LMNTD1: variants seen among roughly 807,000 people sequenced by gnomAD.
The protein encoded by LMNTD1 is lamin tail domain-containing protein 1.
LMNTD1 carries 35 observed loss-of-function variants against 50.9 expected under a neutral mutation model. The ratio of observed to expected loss-of-function variants is 0.69; its 90% CI spans 0.53 to 0.91. The LOEUF is 0.91. LMNTD1 is among the 40% of genes least tolerant of loss of function. LMNTD1 has a pLI of 0.00. For synonymous variants in LMNTD1, 153 were observed against 161.9 expected (o/e 0.94, Z 0.42); for missense variants, 470 against 475.5 (o/e 0.99, Z 0.11).
intron 9 of LMNTD1, among the ~76,000 whole-genome samples, chr12:25,497,327 A>G (rs1169650933): frequency 1.3e-5 from 2 of 152,002 alleles, no homozygotes; most frequent in African/African-American, 2.4e-5. Flanking sequence ...GGCGGGAAGC[A>G]CTGTAGCAGG....
upstream of LMNTD1, among the ~76,000 whole-genome samples, chr12:25,553,743 T>C (rs1381455909): frequency 2.0e-5 from 3 of 152,170 alleles, no homozygotes; most frequent in South Asian, 2.1e-4. Flanking sequence ...ATTCAGTTTC[T>C]CCTCTGTGTA....
chr12:25,616,895 A>G (rs188405188), intron 1 of LMNTD1, among the ~76,000 whole-genome samples: 4 of 152,304 alleles, frequency 2.6e-5, no homozygotes, highest in African/African-American at 9.6e-5. Context: ...GAGTGACAGG[A>G]ATGTTCTATA....
At chr12:25,549,215 T>G in intron 3 of LMNTD1, 111 bp downstream of exon 3, 1 of 597,958 alleles carries the variant, frequency 1.7e-6, no homozygotes. Context: ...GAAGTTAGCA[T>G]TTTGGGGGAG....
At chr12:25,503,603 T>A in intron 9 of LMNTD1, 135 bp downstream of exon 9, 2 of 573,252 alleles carry the variant, frequency 3.5e-6, no homozygotes, top group Non-Finnish European at 6.2e-6. Context: ...AACATAAATA[T>A]TTAACAGAAA....
chr12:25,625,104 C>A (rs1473022062), intron 1 of LMNTD1, among the ~76,000 whole-genome samples: 1 of 152,188 alleles, frequency 6.6e-6, no homozygotes, highest in Non-Finnish European at 1.5e-5. Flanking sequence ...ATGGGCATAG[C>A]TCTGGAGCGA....
At chr12:25,544,851 A>G (rs1330549585) in intron 4 of LMNTD1, among the ~76,000 whole-genome samples, 2 of 151,806 alleles carry the variant, frequency 1.3e-5, no homozygotes, top group Middle Eastern at 3.2e-3. Context: ...AAACAAAGAA[A>G]AAATCTCTAG....
intron 9 of LMNTD1, among the ~76,000 whole-genome samples, chr12:25,501,424 A>G (rs1956745101): frequency 6.6e-6 from 1 of 152,190 alleles, no homozygotes; most frequent in African/African-American, 2.4e-5. Flanking sequence ...GTGAATGAAA[A>G]TGTTTCTTCT....
chr12:25,575,697 T>TTA (rs1555114082), intron 1 of LMNTD1, among the ~76,000 whole-genome samples: 1 of 151,694 alleles, frequency 6.6e-6, no homozygotes, highest in African/African-American at 2.4e-5. Flanking sequence ...TTCTTTTTTT[T>TTA]TATAATTATA....
At chr12:25,542,965 A>G (rs77137179) in intron 4 of LMNTD1, among the ~76,000 whole-genome samples, 2,959 of 151,970 alleles carry the variant, frequency 0.019, 114 homozygotes, top group African/African-American at 0.068. Flanking sequence ...TAAAGATTCT[A>G]CAGTTCTTAA....
At chr12:25,508,939 T>A (rs533194251) in intron 8 of LMNTD1, among the ~76,000 whole-genome samples, 40 of 152,322 alleles carry the variant, frequency 2.6e-4, no homozygotes, top group African/African-American at 8.9e-4. Flanking sequence ...TATCAAATGC[T>A]TTTATTATTG....
intron 1 of LMNTD1, among the ~76,000 whole-genome samples, chr12:25,604,635 G>A (rs1471068017): frequency 6.6e-6 from 1 of 152,044 alleles, no homozygotes; most frequent in Non-Finnish European, 1.5e-5. Context: ...TGCTGAGAAT[G>A]ATGGTTTCCA....
intron 3 of LMNTD1, among the ~76,000 whole-genome samples, chr12:25,548,397 TGTTA>T (rs1943559984): frequency 1.3e-5 from 2 of 151,888 alleles, no homozygotes; most frequent in African/African-American, 2.4e-5. Context: ...ACTTGAAACT[TGTTA>T]GTTGATTGGC....
intron 1 of LMNTD1, among the ~76,000 whole-genome samples, chr12:25,572,024 G>C (rs1944819341): frequency 6.6e-6 from 1 of 152,156 alleles, no homozygotes; most frequent in Non-Finnish European, 1.5e-5. Flanking sequence ...CATGAATGGA[G>C]ACCAGAGGTT....
chr12:25,495,249 C>CGTGTGTGTGTGTGTGTGTGT (rs1207389869), intron 9 of LMNTD1, among the ~76,000 whole-genome samples: 2 of 144,668 alleles, frequency 1.4e-5, no homozygotes, highest in African/African-American at 5.1e-5. Context: ...AAAGTGTGTA[C>CGTGTGTGTGTGTGTGTGTGT]GTGTGTGTGT....
At chr12:25,634,866 G>T (rs1946794327) in intron 1 of LMNTD1, among the ~76,000 whole-genome samples, 1 of 152,132 alleles carries the variant, frequency 6.6e-6, no homozygotes, top group African/African-American at 2.4e-5. Flanking sequence ...AGGAAGTTAA[G>T]CTGTCACTGT....
At chr12:25,593,756 A>T (rs1945769690) in intron 1 of LMNTD1, among the ~76,000 whole-genome samples, 1 of 152,068 alleles carries the variant, frequency 6.6e-6, no homozygotes, top group Admixed American at 6.6e-5. Flanking sequence ...TATTAAGTTA[A>T]TCAGGGAGGC....
intron 4 of LMNTD1, among the ~76,000 whole-genome samples, chr12:25,535,931 A>G (rs191782039): frequency 6.6e-6 from 1 of 152,276 alleles, no homozygotes; most frequent in Non-Finnish European, 1.5e-5. Context: ...CTGTGGCTAT[A>G]TTAATATCAG....
At chr12:25,526,735 T>C (rs375737706) in intron 5 of LMNTD1, 34 bp downstream of exon 5, 17 of 1,452,722 alleles carry the variant, frequency 1.2e-5, no homozygotes, top group Non-Finnish European at 1.5e-5. Flanking sequence ...TCCTGTACAA[T>C]TCTAATGTAC....
intron 1 of LMNTD1, among the ~76,000 whole-genome samples, chr12:25,586,582 C>T (rs78624312): frequency 2.4e-4 from 36 of 152,244 alleles, no homozygotes; most frequent in African/African-American, 6.3e-4. Context: ...AAAAGTCATG[C>T]GGCACTTTCT....
Sources: allele counts gnomAD v4.1 joint callset (sites outside exome capture counted in the v4.1 genomes callset), GRCh38; gene constraint gnomAD v4.1.1; transcripts MANE v1.5; gene names NCBI Gene and HGNC (gene_info 2026-07-23, HGNC 2026-07-21).